SRD5A3: variants seen among roughly 807,000 people sequenced by gnomAD.
SRD5A3 encodes the protein polyprenal reductase.
A neutral mutation model predicts 34.3 loss-of-function variants in SRD5A3; 24 were observed. The observed-to-expected ratio is 0.70, with a 90% CI of 0.51 to 0.99. SRD5A3 has a LOEUF of 0.99. Ranked by LOEUF, SRD5A3 falls within the 50% of genes least tolerant of loss-of-function variation. The pLI, the probability that SRD5A3 is intolerant of heterozygous loss-of-function variation, is 0.00. For synonymous variants in SRD5A3, 161 were observed against 167.3 expected, an observed-to-expected ratio of 0.96 and a Z score of 0.29; for missense variants, 350 against 388.2, an observed-to-expected ratio of 0.90 and a Z score of 0.83.
Position 55,368,142 on chromosome 4 carries a change from C to T in SRD5A3, c.697+420C>T, listed in dbSNP as rs183033637. 3.3e-5 allele frequency among the ~76,000 whole-genome samples: 5 copies of T among 152,096 alleles called. No homozygotes were observed. The East Asian group carries it at 9.8e-4, about 30-fold the overall frequency. ...CTGTAATTCCAGCACTTTGGGAAGC[C>T]AAGGTAGGAGGATCACTTGAGGTCA... On this transcript the variant is annotated intron_variant, in intron 4 of 4. Transcript: ENST00000264228.
chr4:55,372,522 G>A lies in SRD5A3; in HGVS notation c.*2431G>A, dbSNP rs1457372535. ...ACGTAGCATGGCCTTTGGTGAAAGCGTCACCGATGGGAAATAATTGAGAAT... is the reference window on the plus strand; with the variant it reads ...ACGTAGCATGGCCTTTGGTGAAAGCATCACCGATGGGAAATAATTGAGAAT... On this transcript the variant is annotated 3_prime_UTR_variant, in exon 5 of 5. Coordinates refer to ENST00000264228, the MANE Select transcript of SRD5A3 (RefSeq NM_024592.5). 2 of 152,192 alleles carry A rather than the reference G, an allele frequency of 1.3e-5. No individual in the cohort carries two copies. Among genetic ancestry groups the A allele is most frequent in the South Asian group, 2.1e-4 (1 of 4,826 alleles). 9.4% of individuals were successfully genotyped at this position (152,192 alleles called of 1,614,324 possible). A position where few individuals can be genotyped will look rare whatever the true frequency, so the allele number is the denominator to read the frequency against.
chr4:55,358,944 G>C (rs945514555), intron 1 of SRD5A3: 1 of 225,962 alleles, frequency 4.4e-6, no homozygotes, highest in Admixed American at 5.2e-5. Flanking sequence ...ATATTGTTTG[G>C]GATATAGAAA....
At chr4:55,352,417 C>G in intron 1 of SRD5A3, 1 of 756,794 alleles carries the variant, frequency 1.3e-6, no homozygotes, top group Non-Finnish European at 2.5e-6. Context: ...ATGGTCACAC[C>G]ACACTCCTGT....
intron 1 of SRD5A3, chr4:55,352,130 C>T: frequency 1.2e-6 from 1 of 815,158 alleles, no homozygotes; most frequent in Non-Finnish European, 2.2e-6. Flanking sequence ...GGTATACAGA[C>T]AGTCCATCAT....
At position 55,367,659 on chromosome 4, in the gene SRD5A3, T is replaced by C; in HGVS notation, c.634T>C (p.Trp212Arg). ...FHILGMMMFI[W>R]SSAHQYKCHV... ...TATTCTTGGGATGATGATGTTCATCTGGTCATCTGCCCATCAGTATAAGTG... is the reference window on the plus strand; with the variant it reads ...TATTCTTGGGATGATGATGTTCATCCGGTCATCTGCCCATCAGTATAAGTG... Residue 212 changes from tryptophan to arginine, a missense_variant, in exon 4 of 5, where the codon TGG becomes CGG. Transcript: ENST00000264228. 2.5e-6 allele frequency: 4 copies of C among 1,614,188 alleles called. No homozygotes were observed. Among genetic ancestry groups the C allele is most frequent in the South Asian group, 2.2e-5 (2 of 91,080 alleles).
At chr4:55,360,777 C>T (rs908833891) in intron 2 of SRD5A3, among the ~76,000 whole-genome samples, 2 of 151,298 alleles carry the variant, frequency 1.3e-5, no homozygotes, top group Non-Finnish European at 2.9e-5. Context: ...CAACCTCTGC[C>T]TCCCAGGTTC....
chr4:55,354,860 G>T (rs1290139999), intron 1 of SRD5A3, among the ~76,000 whole-genome samples: 3 of 152,260 alleles, frequency 2.0e-5, no homozygotes, highest in Admixed American at 1.3e-4. Flanking sequence ...GCTCCATGAA[G>T]GCAGGAATTG....
At chr4:55,364,369 TAAGA>T (rs2109480647) in intron 3 of SRD5A3, 98 bp downstream of exon 3, 2 of 1,360,078 alleles carry the variant, frequency 1.5e-6, no homozygotes, top group East Asian at 4.7e-5. Flanking sequence ...CATGCAGAAG[TAAGA>T]GACAGGCCCA....
rs898680884 is a variant in SRD5A3 at position 55,364,911 on chromosome 4, T to C, written c.562+640T>C. ...GTAGTGAAAATTGTGTTTTAGTCTC[T>C]AAGCTCTCACTAGCCAGGAAGAGGG... On this transcript the variant is annotated intron_variant, in intron 3 of 4. Coordinates refer to ENST00000264228, the MANE Select transcript of SRD5A3 (RefSeq NM_024592.5). The C allele has an allele frequency of 3.9e-5, 6 of 153,272 alleles. No individual in the cohort carries two copies. In the South Asian group the frequency reaches 1.2e-3, roughly 31 times the overall value. 9.5% of individuals were successfully genotyped at this position (153,272 alleles called of 1,614,324 possible). A position where few individuals can be genotyped will look rare whatever the true frequency, so the allele number is the denominator to read the frequency against.
intron 1 of SRD5A3, among the ~76,000 whole-genome samples, chr4:55,358,304 AG>A (rs1719546544): frequency 1.3e-5 from 2 of 152,084 alleles, no homozygotes; most frequent in Non-Finnish European, 1.5e-5. Context: ...CCAAGGTGGG[AG>A]GGATCTCTTG....
chr4:55,369,696 A>T, intron 4 of SRD5A3, 136 bp from the exon 5 acceptor site: 1 of 1,021,442 alleles, frequency 9.8e-7, no homozygotes, highest in Non-Finnish European at 1.4e-6. Flanking sequence ...GCACGACTGC[A>T]CTCCAGCCTG....
At chr4:55,356,704 A>T (rs200604521) in intron 1 of SRD5A3, among the ~76,000 whole-genome samples, 4 of 96,274 alleles carry the variant, frequency 4.2e-5, no homozygotes, top group African/African-American at 1.4e-4. Context: ...GGGATTTTTT[A>T]TTTATTTATT....
chr4:55,353,285 A>T (rs1719269253), intron 1 of SRD5A3, among the ~76,000 whole-genome samples: 1 of 152,210 alleles, frequency 6.6e-6, no homozygotes, highest in Admixed American at 6.5e-5. Flanking sequence ...CACACAAATC[A>T]GCGCTCTGTG....
chr4:55,356,339 G>T (rs1043320698), intron 1 of SRD5A3, among the ~76,000 whole-genome samples: 1 of 139,466 alleles, frequency 7.2e-6, no homozygotes, highest in Non-Finnish European at 1.6e-5. Context: ...TGTTTTTATT[G>T]TGGTAAAATA....
At chr4:55,359,619 G>A (rs2109473860) in intron 2 of SRD5A3, 131 bp downstream of exon 2, 2 of 1,215,076 alleles carry the variant, frequency 1.6e-6, no homozygotes, top group East Asian at 2.4e-5. Flanking sequence ...TGGAGGATGA[G>A]GGCAAAAAAG....
rs1057522282 is a variant in SRD5A3 at position 55,364,068 on chromosome 4, T to C, written c.365-6T>C. ...AATGCTGACCCTGTTGCCTTCTGAA[T>C]TGTAGGAGGGGAGCTGGCACTGTCT... is the stretch of plus-strand genomic sequence containing the variant. On this transcript the variant is annotated splice_polypyrimidine_tract_variant and splice_region_variant and intron_variant, in intron 2 of 4. Coordinates refer to ENST00000264228, the MANE Select transcript of SRD5A3 (RefSeq NM_024592.5). The C allele has an allele frequency of 6.2e-7, 1 of 1,614,174 alleles. No homozygotes were observed. The highest frequency in any genetic ancestry group is 8.5e-7 in the Non-Finnish European group (1 of 1,179,996).
intron 1 of SRD5A3, among the ~76,000 whole-genome samples, chr4:55,357,770 A>G (rs951393504): frequency 2.0e-5 from 3 of 152,220 alleles, no homozygotes; most frequent in Non-Finnish European, 2.9e-5. Context: ...GCAGAGGCAG[A>G]ATCATAGCTC....
chr4:55,367,514 T>C, intron 3 of SRD5A3, 74 bp from the exon 4 acceptor site: 1 of 1,553,432 alleles, frequency 6.4e-7, no homozygotes, highest in Non-Finnish European at 8.8e-7. Flanking sequence ...GTGTTTCTGC[T>C]GACTAAATGA....
At position 55,370,212 on chromosome 4, in the gene SRD5A3, T is replaced by C. The variant is rs1331681914; in HGVS notation, c.*121T>C. ...TTTGAAACTCTCCATTCCATTTCTA[T>C]ACCCCACAAGTTTTCACTGAATGAG... is the stretch of plus-strand genomic sequence containing the variant. On this transcript the variant is annotated 3_prime_UTR_variant, in exon 5 of 5. Transcript: ENST00000264228. The C allele has an allele frequency of 2.2e-6, 3 of 1,356,834 alleles. No homozygotes were observed. Among genetic ancestry groups the C allele is most frequent in the East Asian group, 4.6e-5 (2 of 43,596 alleles). The allele number at this position is 1,356,834 out of a possible 1,614,324, so 84.0% of individuals were successfully genotyped here.
Sources: gnomAD v4.1 joint callset for allele counts (sites outside exome capture counted in the v4.1 genomes callset) on GRCh38, gnomAD v4.1.1 for gene constraint, MANE v1.5 for transcripts, NCBI Gene and HGNC (gene_info 2026-07-23, HGNC 2026-07-21) for gene names.